Variants in DMD observed in about 807,000 individuals in gnomAD.
DMD encodes dystrophin, also known as mutant dystrophin.
DMD carries 63 observed loss-of-function variants against 330.1 expected under a neutral mutation model. That is an observed-to-expected ratio of 0.19 (90% CI 0.16 to 0.24). The LOEUF (loss-of-function observed/expected upper bound fraction) is 0.24, where lower values mean the gene tolerates loss of function less well. Ranked by LOEUF, DMD falls within the 10% of genes least tolerant of loss-of-function variation. The pLI is 1.00. For synonymous variants in DMD, 1,223 were observed against 959.8 expected (o/e 1.27, Z -5.07); for missense variants, 3,344 against 2,684.1 (o/e 1.25, Z -5.43).
At chrX:33,062,241 C>A (rs2094589895) in intron 1 of DMD, among the ~76,000 whole-genome samples, 1 of 111,676 alleles carries the variant, frequency 9.0e-6, no homozygotes, top group Non-Finnish European at 1.9e-5. Context: ...ATTTGGGAGT[C>A]TGTTTTTCAA....
At chrX:33,031,302 CAA>C (rs34526249) in intron 1 of DMD, among the ~76,000 whole-genome samples, 5 of 63,202 alleles carry the variant, frequency 7.9e-5, no homozygotes, top group African/African-American at 5.2e-5. Context: ...TTAAAAAGGA[CAA>C]AAAAAAAAAA....
chrX:33,334,800 A>G (rs921296026), intron 1 of DMD, among the ~76,000 whole-genome samples: 2 of 111,295 alleles, frequency 1.8e-5, no homozygotes, highest in Non-Finnish European at 3.8e-5. Flanking sequence ...ACATGTTTTT[A>G]AAAGAAATGA....
chrX:31,920,987 A>G (rs1462172608), intron 47 of DMD, among the ~76,000 whole-genome samples: 1 of 112,142 alleles, frequency 8.9e-6, no homozygotes, highest in Non-Finnish European at 1.9e-5. Flanking sequence ...ATTGGAATGA[A>G]CAAATTATCT....
At chrX:32,491,229 G>C (rs1301007802) in intron 20 of DMD, 48 bp downstream of exon 20, 16 of 1,200,687 alleles carry the variant, frequency 1.3e-5, no homozygotes, top group Non-Finnish European at 1.7e-5. Context: ...AAATTGCCAA[G>C]AAATACCTAT....
chrX:32,006,540 A>G (rs1448244712), intron 44 of DMD, among the ~76,000 whole-genome samples: 1 of 111,682 alleles, frequency 9.0e-6, no homozygotes, highest in Non-Finnish European at 1.9e-5. Flanking sequence ...TTAGTAATTT[A>G]TAACCGTGAA....
intron 9 of DMD, among the ~76,000 whole-genome samples, chrX:32,645,986 T>C (rs1213598337): frequency 9.0e-6 from 1 of 111,541 alleles, no homozygotes; most frequent in African/African-American, 3.3e-5. Context: ...TAATCCAATA[T>C]CTAGCTTAAA....
At chrX:32,339,875 G>T (rs1265924574) in intron 41 of DMD, among the ~76,000 whole-genome samples, 2 of 111,777 alleles carry the variant, frequency 1.8e-5, no homozygotes, top group East Asian at 5.7e-4. Context: ...AACAATTAGA[G>T]AAGGAGAATA....
intron 44 of DMD, among the ~76,000 whole-genome samples, chrX:32,208,768 C>G (rs1174509892): frequency 8.9e-6 from 1 of 111,877 alleles, no homozygotes; most frequent in East Asian, 2.8e-4. Context: ...GCTTTGCACA[C>G]AGTAGGATCA....
intron 21 of DMD, among the ~76,000 whole-genome samples, chrX:32,472,821 T>C (rs1317219984): frequency 9.0e-6 from 1 of 111,412 alleles, no homozygotes; most frequent in Non-Finnish European, 1.9e-5. Flanking sequence ...GCATGCTTAG[T>C]ATATGTATCA....
chrX:32,616,888 A>T (rs1273975239), intron 11 of DMD, among the ~76,000 whole-genome samples: 5 of 108,270 alleles, frequency 4.6e-5, no homozygotes, highest in African/African-American at 1.7e-4. Context: ...ACCTAATATT[A>T]ATTTATCCAT....
chrX:32,783,132 T>C (rs1376588877), intron 7 of DMD, among the ~76,000 whole-genome samples: 2 of 101,109 alleles, frequency 2.0e-5, no homozygotes, highest in Non-Finnish European at 4.0e-5. Context: ...TATATACATA[T>C]ATGTATATAT....
intron 50 of DMD, among the ~76,000 whole-genome samples, chrX:31,774,442 G>T (rs5927855): frequency 2.7e-5 from 3 of 110,813 alleles, no homozygotes; most frequent in African/African-American, 9.8e-5. Context: ...TTTAAAAAAC[G>T]ATTTTGCTCA....
At chrX:32,640,994 G>A (rs73621811) in intron 11 of DMD, among the ~76,000 whole-genome samples, 2,404 of 111,281 alleles carry the variant, frequency 0.022, 69 homozygotes, top group African/African-American at 0.074. Context: ...CTGGCCTTTT[G>A]GTTCCTCCAG....
At chrX:31,503,755 T>G in intron 56 of DMD, among the ~76,000 whole-genome samples, 1 of 110,335 alleles carries the variant, frequency 9.1e-6, no homozygotes, top group Non-Finnish European at 1.9e-5. Flanking sequence ...AGTGAGGAAA[T>G]TGTTGGAGAG....
intron 43 of DMD, among the ~76,000 whole-genome samples, chrX:32,240,958 G>A (rs1244391009): frequency 1.8e-5 from 2 of 111,440 alleles, no homozygotes; most frequent in East Asian, 2.8e-4. Context: ...AACACCTAGC[G>A]TCTTCAATCC....
intron 52 of DMD, among the ~76,000 whole-genome samples, chrX:31,726,602 C>T (rs2086072989): frequency 9.0e-6 from 1 of 111,716 alleles, no homozygotes; most frequent in Non-Finnish European, 1.9e-5. Flanking sequence ...ATTTTGAACA[C>T]GATCGAAAAG....
rs903262437 is a variant in DMD at position 32,833,320 on chromosome X, A to G, written c.265-9933T>C. 9.9e-5 allele frequency among the ~76,000 whole-genome samples: 11 copies of G among 111,189 alleles called. No individual in the cohort carries two copies. The Admixed American group carries it at 1.1e-3, about 11-fold the overall frequency. ...ACAAGTGTCTCATAATCCTAAGAAA[A>G]TATGAACATTTAATGGCATGAAAGA... On this transcript the variant is annotated intron_variant, in intron 4 of 78. Coordinates refer to ENST00000357033, the MANE Select transcript of DMD (RefSeq NM_004006.3).
At chrX:33,104,849 C>T (rs1299881618) in intron 1 of DMD, among the ~76,000 whole-genome samples, 4 of 112,364 alleles carry the variant, frequency 3.6e-5, no homozygotes, top group Non-Finnish European at 7.5e-5. Context: ...TGTTTATTCT[C>T]AAAGACAATG....
chrX:32,683,387 T>A (rs969292948), intron 9 of DMD, among the ~76,000 whole-genome samples: 1 of 109,716 alleles, frequency 9.1e-6, no homozygotes. Flanking sequence ...AGACTTGGAA[T>A]CAACCCAAAT....
Sources: gnomAD v4.1 joint callset for allele counts (sites outside exome capture counted in the v4.1 genomes callset) on GRCh38, gnomAD v4.1.1 for gene constraint, MANE v1.5 for transcripts, NCBI Gene and HGNC (gene_info 2026-07-23, HGNC 2026-07-21) for gene names.